The following SMG6 variants were observed in gnomAD, a reference collection of about 807,000 sequenced individuals.
SMG6 encodes the protein telomerase-binding protein EST1A.
A neutral mutation model predicts 142.2 loss-of-function variants in SMG6; 66 were observed. The ratio of observed to expected loss-of-function variants is 0.46; its 90% CI spans 0.38 to 0.57. The LOEUF (loss-of-function observed/expected upper bound fraction) is 0.57, where lower values mean the gene tolerates loss of function less well. Ranked by LOEUF, SMG6 falls within the 20% of genes least tolerant of loss-of-function variation. The pLI, the probability that SMG6 is intolerant of heterozygous loss-of-function variation, is 0.00. For synonymous variants in SMG6, 779 were observed against 702.4 expected (o/e 1.11, Z -1.72); for missense variants, 1,793 against 1,832.0 (o/e 0.98, Z 0.39).
chr17:2,171,732 C>CT lies in SMG6; in HGVS notation c.3357+925dup, dbSNP rs370221402. ...TTGTGGCTCATGTTTGGAATTTTTA[C>CT]TTTTTTTTTTTTTTTTTAACATCTC... On this transcript the variant is annotated intron_variant, in intron 13 of 18. Transcript: ENST00000263073. 7.5e-3 allele frequency among the ~76,000 whole-genome samples: 1,035 copies of CT among 138,186 alleles called. 11 individuals are homozygous for CT. Among genetic ancestry groups the CT allele is most frequent in the African/African-American group, 0.02 (766 of 37,518 alleles). The allele number at this position is 138,186 out of a possible 152,430, so 90.7% of individuals were successfully genotyped here.
chr17:2,258,018 A>AG (rs2074224801), intron 8 of SMG6, among the ~76,000 whole-genome samples: 4 of 72,030 alleles, frequency 5.6e-5, no homozygotes, highest in Non-Finnish European at 1.4e-4. Context: ...CAAAAAAAAA[A>AG]AAAAAAAAAA....
intron 14 of SMG6, among the ~76,000 whole-genome samples, chr17:2,082,618 C>G (rs892478308): frequency 2.6e-5 from 4 of 152,202 alleles, no homozygotes; most frequent in Non-Finnish European, 5.9e-5. Context: ...GCTTAAGGAG[C>G]CTCCTGCCAG....
chr17:2,219,076 CTG>C (rs1449780010), intron 10 of SMG6, among the ~76,000 whole-genome samples: 2 of 152,184 alleles, frequency 1.3e-5, no homozygotes, highest in Non-Finnish European at 2.9e-5. Flanking sequence ...GTGCCAAAGA[CTG>C]TAAAAAATTT....
At chr17:2,135,834 C>T (rs1386825328) in intron 13 of SMG6, among the ~76,000 whole-genome samples, 2 of 151,838 alleles carry the variant, frequency 1.3e-5, no homozygotes, top group African/African-American at 2.4e-5. Context: ...GGACTACAGG[C>T]GCTACCACCA....
chr17:2,290,142 T>C (rs2151391343), intron 6 of SMG6, among the ~76,000 whole-genome samples: 1 of 152,086 alleles, frequency 6.6e-6, no homozygotes, highest in East Asian at 1.9e-4. Flanking sequence ...AAAGTTTACA[T>C]GGGAAGGCAA....
chr17:2,081,875 G>A lies in SMG6; in HGVS notation c.3616C>T (p.Arg1206Trp), dbSNP rs1428963742. 6 of 1,614,106 alleles carry A rather than the reference G, an allele frequency of 3.7e-6. No individual in the cohort carries two copies. The highest frequency in any genetic ancestry group is 3.3e-5 in the Admixed American group (2 of 60,026). Residue 1206 changes from arginine to tryptophan, a missense_variant, in exon 15 of 19, where the codon CGG becomes TGG. Arg to Trp is a moderately radical substitution (Grantham distance 101). This residue lies in a region of SMG6 where 1,597 missense variants were observed against 1,584.6 expected (regional missense o/e 1.01). Transcript: ENST00000263073. ...CTGGCCAGAGCCAGCTTCTTGGCCC[G>A]AAGCTCCCTGATGTCATCCTCGCCT... is the stretch of plus-strand genomic sequence containing the variant. Reference protein sequence around the residue: ...SGGEDDIRELRAKKLALARKI... With the variant: ...SGGEDDIRELWAKKLALARKI...
At chr17:2,160,682 T>A (rs1473574074) in intron 13 of SMG6, among the ~76,000 whole-genome samples, 3 of 152,030 alleles carry the variant, frequency 2.0e-5, no homozygotes, top group Non-Finnish European at 4.4e-5. Context: ...ATTTAAAAAT[T>A]AGCCAGGTGT....
chr17:2,064,743 G>A (rs1028478509), intron 18 of SMG6, among the ~76,000 whole-genome samples: 2 of 151,598 alleles, frequency 1.3e-5, no homozygotes, highest in Non-Finnish European at 3.0e-5. Context: ...CAGCTACAGT[G>A]AATCATAAAG....
intron 15 of SMG6, among the ~76,000 whole-genome samples, chr17:2,078,713 A>G (rs2068328095): frequency 6.6e-6 from 1 of 152,122 alleles, no homozygotes; most frequent in Non-Finnish European, 1.5e-5. Context: ...GCTTGCTGAG[A>G]CTAAGGAGTA....
At chr17:2,129,073 T>G (rs2070011875) in intron 13 of SMG6, among the ~76,000 whole-genome samples, 2 of 152,072 alleles carry the variant, frequency 1.3e-5, no homozygotes. Context: ...CTGGGCTGGG[T>G]GGGGTGGCTC....
intron 13 of SMG6, among the ~76,000 whole-genome samples, chr17:2,144,290 C>T (rs898988798): frequency 2.0e-5 from 3 of 152,074 alleles, no homozygotes; most frequent in African/African-American, 7.2e-5. Context: ...TGGTCTCAAA[C>T]TCCTGACTTC....
chr17:2,282,585 G>A, intron 8 of SMG6, 62 bp downstream of exon 8: 1 of 1,539,928 alleles, frequency 6.5e-7, no homozygotes, highest in Non-Finnish European at 9.0e-7. Context: ...ACAGCTGTAT[G>A]AACCAGGGCA....
chr17:2,292,448 A>T, intron 6 of SMG6, 104 bp downstream of exon 6: 1 of 1,122,340 alleles, frequency 8.9e-7, no homozygotes, highest in Non-Finnish European at 1.3e-6. Context: ...TCTTTGGGCT[A>T]CAGTGATGAG....
At position 2,300,012 on chromosome 17, in the gene SMG6, T is replaced by C. The variant is rs1427041171; in HGVS notation, c.741A>G (p.Ser247=). 6.2e-7 allele frequency: 1 copy of C among 1,614,200 alleles called. No individual in the cohort carries two copies. The highest frequency in any genetic ancestry group is 1.7e-5 in the Admixed American group (1 of 60,032). The change falls in exon 2 of 19, where the codon TCA becomes TCG. Residue 247 remains serine, a synonymous_variant. Coordinates refer to ENST00000263073, the MANE Select transcript of SMG6 (RefSeq NM_017575.5). ...TGCGGTAGCGATTCCTTCGTTTGTC[T>C]GAGCGGGAGTAGCGCTTTGCGGAGC... is the stretch of plus-strand genomic sequence containing the variant. The part of the protein sequence containing the change: ...RPGSAKRYSR[S]DKRRNRYRTR...
intron 10 of SMG6, among the ~76,000 whole-genome samples, chr17:2,203,739 G>T (rs145416138): frequency 6.6e-6 from 1 of 152,106 alleles, no homozygotes; most frequent in East Asian, 1.9e-4. Flanking sequence ...TTTTAATAAA[G>T]CAAGGAGAGA....
chr17:2,163,354 T>C (rs1344644314), intron 13 of SMG6, among the ~76,000 whole-genome samples: 3 of 151,202 alleles, frequency 2.0e-5, no homozygotes, highest in Admixed American at 1.3e-4. Flanking sequence ...GCCCAGCTGA[T>C]TTTTTAAATT....
At chr17:2,088,356 G>T in intron 13 of SMG6, 1 of 985,382 alleles carries the variant, frequency 1.0e-6, no homozygotes. Flanking sequence ...GAGGCCACCT[G>T]CAGCACTTCC....
chr17:2,290,223 T>C (rs1406656829), intron 6 of SMG6, among the ~76,000 whole-genome samples: 1 of 152,026 alleles, frequency 6.6e-6, no homozygotes, highest in East Asian at 1.9e-4. Flanking sequence ...CTTCAAGACA[T>C]AAATAAAGTT....
At chr17:2,289,332 G>T (rs2074979810) in intron 6 of SMG6, among the ~76,000 whole-genome samples, 1 of 152,128 alleles carries the variant, frequency 6.6e-6, no homozygotes, top group African/African-American at 2.4e-5. Context: ...AACGCAAGAG[G>T]ATCACTTGAG....
Sources: allele counts gnomAD v4.1 joint callset (sites outside exome capture counted in the v4.1 genomes callset), GRCh38; gene constraint gnomAD v4.1.1; regional missense constraint gnomAD v4.1.1; transcripts MANE v1.5; gene names NCBI Gene and HGNC (gene_info 2026-07-23, HGNC 2026-07-21).